Variants in MERTK observed in about 807,000 individuals in gnomAD.
The protein encoded by MERTK is MER proto-oncogene, tyrosine kinase.
MERTK carries 69 observed loss-of-function variants against 99.3 expected under a neutral mutation model. The observed-to-expected ratio is 0.70, with a 90% CI of 0.57 to 0.85. MERTK has a LOEUF of 0.85. MERTK is among the 40% of genes least tolerant of loss of function. The pLI, the probability that MERTK is intolerant of heterozygous loss-of-function variation, is 0.00. For synonymous variants in MERTK, 426 were observed against 467.6 expected (o/e 0.91, Z 1.15); for missense variants, 1,125 against 1,249.4 (o/e 0.90, Z 1.50).
At chr2:112,024,577 G>C (rs942129236) in intron 18 of MERTK, among the ~76,000 whole-genome samples, 9 of 152,182 alleles carry the variant, frequency 5.9e-5, no homozygotes, top group African/African-American at 1.9e-4. Flanking sequence ...CTAGATGCTG[G>C]GTAACAACAG....
chr2:111,980,670 G>A (rs537700651), intron 7 of MERTK, among the ~76,000 whole-genome samples: 8 of 152,090 alleles, frequency 5.3e-5, no homozygotes, highest in South Asian at 4.1e-4. Context: ...CACCCGCCTC[G>A]GCCTCCCAAA....
chr2:111,907,079 C>T (rs1684150844), intron 1 of MERTK, among the ~76,000 whole-genome samples: 1 of 152,050 alleles, frequency 6.6e-6, no homozygotes, highest in African/African-American at 2.4e-5. Context: ...TAGACATCAG[C>T]CCAGAAACGG....
At chr2:111,921,056 T>C (rs1684448324) in intron 1 of MERTK, among the ~76,000 whole-genome samples, 1 of 151,746 alleles carries the variant, frequency 6.6e-6, no homozygotes, top group Non-Finnish European at 1.5e-5. Context: ...GCTGTGGGGG[T>C]AAAGGGAGTG....
chr2:111,974,749 AAG>A (rs1029086126), intron 6 of MERTK, among the ~76,000 whole-genome samples: 3 of 146,322 alleles, frequency 2.1e-5, no homozygotes, highest in Non-Finnish European at 3.0e-5. Context: ...AGCCTGGGCA[AAG>A]AGAGCGAAGG....
intron 13 of MERTK, among the ~76,000 whole-genome samples, chr2:112,005,605 T>C (rs2104409118): frequency 6.6e-6 from 1 of 152,326 alleles, no homozygotes; most frequent in Admixed American, 6.5e-5. Flanking sequence ...GGGCATGGCC[T>C]ATCACTGGGG....
intron 1 of MERTK, among the ~76,000 whole-genome samples, chr2:111,928,216 C>CTTTT (rs34872417): frequency 1.2e-5 from 1 of 84,848 alleles, no homozygotes; most frequent in African/African-American, 4.9e-5. Context: ...CCATGAGCAG[C>CTTTT]TTTTTTTTTT....
chr2:112,013,065 G>A (rs1677139755), intron 15 of MERTK, among the ~76,000 whole-genome samples: 1 of 151,856 alleles, frequency 6.6e-6, no homozygotes, highest in South Asian at 2.1e-4. Context: ...CTTCTTCCTA[G>A]GGACAGCTTA....
intron 13 of MERTK, among the ~76,000 whole-genome samples, chr2:112,008,137 G>A (rs2104411390): frequency 6.6e-6 from 1 of 152,176 alleles, no homozygotes. Flanking sequence ...GTAGTGTCAT[G>A]CATCCATCAT....
rs56693776 is a variant in MERTK at position 111,964,043 on chromosome 2, C to CTTTTTTTTTTTT, written c.758-1147_758-1136dup. ...GTTTCTCCACTCAAAAATTTTCTTT[C>CTTTTTTTTTTTT]TTTTTTTTTTTTGCTCTTTCCATAA... On this transcript the variant is annotated intron_variant, in intron 4 of 18. Coordinates refer to ENST00000295408, the MANE Select transcript of MERTK (RefSeq NM_006343.3). Among the ~76,000 whole-genome samples the CTTTTTTTTTTTT allele has an allele frequency of 1.5e-4, 16 of 103,836 alleles. 2 individuals carry two copies. The highest frequency in any genetic ancestry group is 4.7e-4 in the East Asian group (2 of 4,268). The allele number at this position is 103,836 out of a possible 152,430, so 68.1% of individuals were successfully genotyped here.
chr2:111,940,677 C>G, intron 2 of MERTK: 1 of 734,868 alleles, frequency 1.4e-6, no homozygotes, highest in East Asian at 2.9e-5. Flanking sequence ...CCAAATTTAT[C>G]AATGGTTCTG....
chr2:112,022,450 CT>C, intron 18 of MERTK, 56 bp downstream of exon 18: 1 of 1,611,176 alleles, frequency 6.2e-7, no homozygotes, highest in Non-Finnish European at 8.5e-7. Context: ...CCACCTGGCT[CT>C]GCACTGACCT....
intron 6 of MERTK, among the ~76,000 whole-genome samples, chr2:111,972,158 G>A (rs1363704516): frequency 6.6e-6 from 1 of 152,154 alleles, no homozygotes; most frequent in Non-Finnish European, 1.5e-5. Context: ...AGCCTCCTGA[G>A]TAGCTGGGAC....
At chr2:111,966,608 C>A (rs183346726) in intron 5 of MERTK, among the ~76,000 whole-genome samples, 1 of 152,280 alleles carries the variant, frequency 6.6e-6, no homozygotes, top group African/African-American at 2.4e-5. Context: ...TCTATTAGAT[C>A]ATTCCCCAAA....
intron 7 of MERTK, among the ~76,000 whole-genome samples, chr2:111,976,611 C>T (rs1676258434): frequency 6.6e-6 from 1 of 150,836 alleles, no homozygotes; most frequent in Admixed American, 6.6e-5. Flanking sequence ...CATATATACA[C>T]ATAAAATAAC....
At chr2:111,997,612 C>A in intron 10 of MERTK, 136 bp downstream of exon 10, 1 of 1,040,956 alleles carries the variant, frequency 9.6e-7, no homozygotes, top group South Asian at 1.4e-5. Flanking sequence ...ACCCTGGGCT[C>A]AGGCAGCTTC....
At chr2:111,924,289 G>A (rs1432308984) in intron 1 of MERTK, among the ~76,000 whole-genome samples, 1 of 152,180 alleles carries the variant, frequency 6.6e-6, no homozygotes, top group Non-Finnish European at 1.5e-5. Context: ...AGGCACCATG[G>A]TTGCCATCCC....
intron 18 of MERTK, 41 bp from the exon 19 acceptor site, chr2:112,028,310 G>T: frequency 1.9e-6 from 3 of 1,586,964 alleles, no homozygotes; most frequent in Non-Finnish European, 2.6e-6. Flanking sequence ...AAAGAGATGG[G>T]TGCCATGCTG....
rs1289560148 is a variant in MERTK at position 111,946,177 on chromosome 2, G to A, written c.583+1117G>A. Among the ~76,000 whole-genome samples the A allele has an allele frequency of 5.9e-5, 9 of 152,090 alleles. No individual in the cohort carries two copies. The East Asian group carries it at 7.7e-4, about 13-fold the overall frequency. The stretch of plus-strand genomic sequence containing the variant: ...CTTTGCTCTAGGCCCATCCCAGGCT[G>A]GACAGCTCTTTCTCAGGGTTACGTC... On this transcript the variant is annotated intron_variant, in intron 3 of 18. Transcript: ENST00000295408.
intron 15 of MERTK, among the ~76,000 whole-genome samples, chr2:112,014,934 C>T (rs779328289): frequency 1.3e-5 from 2 of 152,148 alleles, no homozygotes; most frequent in Non-Finnish European, 2.9e-5. Context: ...CCACTGCACC[C>T]GGCCATTTTA....
Sources: allele counts gnomAD v4.1 joint callset (sites outside exome capture counted in the v4.1 genomes callset), GRCh38; gene constraint gnomAD v4.1.1; transcripts MANE v1.5; gene names NCBI Gene and HGNC (gene_info 2026-07-23, HGNC 2026-07-21).